Variants in BMPR1B observed in about 807,000 individuals in gnomAD.
BMPR1B encodes the protein bone morphogenetic protein receptor type-1B.
Under a neutral mutation model 59.1 loss-of-function variants are expected in BMPR1B, and 12 were observed. The ratio of observed to expected loss-of-function variants is 0.20; its 90% CI spans 0.13 to 0.33. The LOEUF (loss-of-function observed/expected upper bound fraction) is 0.33. BMPR1B is among the 10% of genes least tolerant of loss of function. The probability of loss-of-function intolerance (pLI) is 1.00; values close to 1 mark genes in which losing one functional copy is unlikely to be tolerated. For synonymous variants in BMPR1B, 237 were observed against 207.3 expected (o/e 1.14, Z -1.23); for missense variants, 550 against 610.9 (o/e 0.90, Z 1.05).
At chr4:94,800,517 AATATGAGT>A (rs920204358) in intron 1 of BMPR1B, among the ~76,000 whole-genome samples, 1 of 148,436 alleles carries the variant, frequency 6.7e-6, no homozygotes, top group Non-Finnish European at 1.5e-5. Flanking sequence ...TTAAGCACCT[AATATGAGT>A]CCAGCACTCT....
At chr4:94,791,021 T>C (rs1722966768) in intron 1 of BMPR1B, among the ~76,000 whole-genome samples, 1 of 152,190 alleles carries the variant, frequency 6.6e-6, no homozygotes, top group African/African-American at 2.4e-5. Flanking sequence ...GGAGTCTTGC[T>C]CTGTTACCTA....
intron 3 of BMPR1B, among the ~76,000 whole-genome samples, chr4:95,006,269 G>T: frequency 6.6e-6 from 1 of 151,434 alleles, no homozygotes. Context: ...GTAGGGCCGG[G>T]CGCGATGGCT....
intron 2 of BMPR1B, among the ~76,000 whole-genome samples, chr4:94,884,667 A>T (rs1727103864): frequency 6.6e-6 from 1 of 152,222 alleles, no homozygotes; most frequent in Non-Finnish European, 1.5e-5. Context: ...CATGAATAAG[A>T]TGGCATCTTA....
chr4:94,939,224 G>A (rs1340236271), intron 2 of BMPR1B, among the ~76,000 whole-genome samples: 1 of 151,868 alleles, frequency 6.6e-6, no homozygotes, highest in Admixed American at 6.6e-5. Flanking sequence ...TGGAGATTCT[G>A]TATGTAATTA....
At chr4:95,148,223 T>A (rs1271563098) in intron 10 of BMPR1B, among the ~76,000 whole-genome samples, 1 of 152,188 alleles carries the variant, frequency 6.6e-6, no homozygotes. Flanking sequence ...AAAAATACTG[T>A]TTCACATGAA....
chr4:95,152,800 G>A, intron 12 of BMPR1B, 27 bp downstream of exon 12: 1 of 1,610,600 alleles, frequency 6.2e-7, no homozygotes, highest in Non-Finnish European at 8.5e-7. Flanking sequence ...CCATGTGGCT[G>A]TGACAGACTT....
chr4:95,123,938 T>G lies in BMPR1B; in HGVS notation c.446+32T>G, dbSNP rs767025883. The G allele has an allele frequency of 4.5e-5, 65 of 1,441,012 alleles. 2 individuals are homozygous for G. In the South Asian group the frequency reaches 6.1e-4, roughly 13 times the overall value. 89.3% of individuals were successfully genotyped at this position (1,441,012 alleles called of 1,614,324 possible). On this transcript the variant is annotated intron_variant, in intron 7 of 12. Transcript: ENST00000515059. ...TTCTAACATGTAGATGCAAAATTTT[T>G]AATTTATAGTGTCTTCTTTTTACTA... is the stretch of plus-strand genomic sequence containing the variant.
At chr4:94,762,585 G>A (rs1721819897) in intron 1 of BMPR1B, among the ~76,000 whole-genome samples, 1 of 152,202 alleles carries the variant, frequency 6.6e-6, no homozygotes, top group Non-Finnish European at 1.5e-5. Flanking sequence ...AGGTCAGAGA[G>A]GTGGCGAGGT....
intron 2 of BMPR1B, among the ~76,000 whole-genome samples, chr4:94,891,423 T>C (rs1727388699): frequency 2.0e-5 from 3 of 152,130 alleles, no homozygotes; most frequent in Admixed American, 1.3e-4. Context: ...GTAGTTTTTG[T>C]ACATGTAAAA....
chr4:94,962,811 A>G (rs958056602), intron 2 of BMPR1B, among the ~76,000 whole-genome samples: 2 of 152,106 alleles, frequency 1.3e-5, no homozygotes, highest in African/African-American at 2.4e-5. Context: ...CTGTATACTA[A>G]TTTCTTTTAT....
chr4:95,026,102 C>CTTTCTTTCTTTCTTTCTTTCTTTCTTTT (rs1560602842), intron 3 of BMPR1B, among the ~76,000 whole-genome samples: 132 of 120,524 alleles, frequency 1.1e-3, no homozygotes, highest in African/African-American at 2.8e-3. Context: ...TCTTTCATTT[C>CTTTCTTTCTTTCTTTCTTTCTTTCTTTT]TTTCTTTCTT....
At chr4:94,862,944 C>CAAAAAA (rs768809079) in intron 1 of BMPR1B, among the ~76,000 whole-genome samples, 1 of 47,232 alleles carries the variant, frequency 2.1e-5, no homozygotes, top group Non-Finnish European at 4.2e-5. Flanking sequence ...GACTCCGTCT[C>CAAAAAA]AAAAAAAAAA....
intron 2 of BMPR1B, among the ~76,000 whole-genome samples, chr4:94,964,080 T>A (rs1309186786): frequency 6.6e-6 from 1 of 152,146 alleles, no homozygotes; most frequent in East Asian, 1.9e-4. Context: ...GTATTTTATC[T>A]GTAGCTATTG....
In BMPR1B at chr4:95,104,434, C is replaced by T; in HGVS notation, c.10C>T (p.Arg4Ter). The T allele has an allele frequency of 1.2e-6, 2 of 1,613,088 alleles. No individual in the cohort carries two copies. The highest frequency in any genetic ancestry group is 2.2e-5 in the East Asian group (1 of 44,828). Residue 4 changes from arginine to a stop codon, truncating the protein, a stop_gained, in exon 4 of 13, where the codon CGA becomes TGA. Coordinates refer to ENST00000515059, the MANE Select transcript of BMPR1B (RefSeq NM_001203.3). LOFTEE classifies it high-confidence loss of function. ...AAACTTCCTTGATAACATGCTTTTG[C>T]GAAGTGCAGGAAAATTAAATGTGGG... MLL[R>*]SAGKLNVGTK...
At chr4:94,842,320 C>T (rs1362191427) in intron 1 of BMPR1B, among the ~76,000 whole-genome samples, 2 of 151,992 alleles carry the variant, frequency 1.3e-5, no homozygotes, top group East Asian at 1.9e-4. Context: ...AAAATCTTAA[C>T]GTACTGGAGT....
chr4:94,782,079 G>A (rs900604912), intron 1 of BMPR1B, among the ~76,000 whole-genome samples: 1 of 150,186 alleles, frequency 6.7e-6, no homozygotes, highest in Admixed American at 6.6e-5. Context: ...AAATGAATTT[G>A]TTTTGCTTCT....
At chr4:94,909,948 A>G (rs1728209901) in intron 2 of BMPR1B, among the ~76,000 whole-genome samples, 1 of 152,144 alleles carries the variant, frequency 6.6e-6, no homozygotes, top group Non-Finnish European at 1.5e-5. Flanking sequence ...GTTAGGTCCC[A>G]AAGTGGCATT....
intron 3 of BMPR1B, among the ~76,000 whole-genome samples, chr4:95,094,417 G>T (rs1730218132): frequency 6.6e-6 from 1 of 151,930 alleles, no homozygotes; most frequent in African/African-American, 2.4e-5. Flanking sequence ...CCAGGAAGGG[G>T]AAAAGATAAT....
At chr4:94,999,451 T>A (rs1722288846) in intron 3 of BMPR1B, among the ~76,000 whole-genome samples, 1 of 151,740 alleles carries the variant, frequency 6.6e-6, no homozygotes, top group African/African-American at 2.4e-5. Context: ...TGTGTGTGTG[T>A]AACCATGAAA....
Sources: gnomAD v4.1 joint callset for allele counts (sites outside exome capture counted in the v4.1 genomes callset) on GRCh38, gnomAD v4.1.1 for gene constraint, MANE v1.5 for transcripts, NCBI Gene and HGNC (gene_info 2026-07-23, HGNC 2026-07-21) for gene names.